ESRRG: variants seen among roughly 807,000 people sequenced by gnomAD.
The protein encoded by ESRRG is estrogen-related receptor gamma.
In ESRRG, 13 loss-of-function variants were observed where a neutral mutation model predicts 44.0. The observed-to-expected ratio is 0.30, with a 90% CI of 0.19 to 0.47. ESRRG has a LOEUF of 0.47. ESRRG is among the 20% of genes least tolerant of loss of function. The pLI is 1.00. For missense variants in ESRRG, 395 were observed against 580.6 expected, an observed-to-expected ratio of 0.68 and a Z score of 3.29; for synonymous variants, 215 against 214.6, an observed-to-expected ratio of 1.00 and a Z score of -0.02.
At chr1:216,794,119 G>A (rs1051153235) in intron 2 of ESRRG, among the ~76,000 whole-genome samples, 9 of 149,230 alleles carry the variant, frequency 6.0e-5, no homozygotes, top group African/African-American at 2.3e-4. Flanking sequence ...AGCAATTTAG[G>A]AAGCCTTGGC....
chr1:216,695,372 T>A (rs1184103660), intron 1 of ESRRG, among the ~76,000 whole-genome samples: 3 of 152,120 alleles, frequency 2.0e-5, no homozygotes, highest in Non-Finnish European at 4.4e-5. Flanking sequence ...GAGAAGTCCA[T>A]GAACTGCAAT....
intron 1 of ESRRG, among the ~76,000 whole-genome samples, chr1:216,681,487 CCTGCATGAGACA>C (rs1392455759): frequency 6.6e-6 from 1 of 152,002 alleles, no homozygotes; most frequent in Non-Finnish European, 1.5e-5. Context: ...TGTTCCCCTT[CCTGCATGAGACA>C]CTAGGTTTGA....
At position 216,505,180 on chromosome 1, in the gene ESRRG, C is replaced by T. The variant is rs2040983908; in HGVS notation, c.*1759G>A. ...ACAGGGAGCAGCTACTAACACTGGT[C>T]CATTGGTATAGCATTTGATGGAGGT... is the stretch of plus-strand genomic sequence containing the variant. On this transcript the variant is annotated 3_prime_UTR_variant, in exon 7 of 7. Transcript: ENST00000408911. The T allele has an allele frequency of 6.6e-6, 1 of 152,578 alleles. No homozygotes were observed. The highest frequency in any genetic ancestry group is 1.5e-5 in the Non-Finnish European group (1 of 68,042). The allele number at this position is 152,578 out of a possible 1,614,324, so 9.5% of individuals were successfully genotyped here.
At chr1:217,106,020 A>G (rs180909372) in intron 1 of ESRRG, among the ~76,000 whole-genome samples, 1 of 152,230 alleles carries the variant, frequency 6.6e-6, no homozygotes, top group African/African-American at 2.4e-5. Flanking sequence ...AGTTGTTTGT[A>G]TAGAAGTTAA....
rs541878517 is a variant in ESRRG at position 216,838,902 on chromosome 1, A to T, written c.-14+100680T>A. On this transcript the variant is annotated intron_variant, in intron 2 of 7. Coordinates refer to the ESRRG transcript ENST00000359162. Reference sequence around the variant, plus strand: ...TTTGCTGGTGGAGTGTCTTGCCTCAATGTTGATGGCTGCTGATTGATTAGA... The same window carrying T: ...TTTGCTGGTGGAGTGTCTTGCCTCATTGTTGATGGCTGCTGATTGATTAGA... Among the ~76,000 whole-genome samples, 114 of 152,294 alleles carry T rather than the reference A, an allele frequency of 7.5e-4. 1 individual carries two copies. Among genetic ancestry groups the T allele is most frequent in the Admixed American group, 1.5e-3 (23 of 15,298 alleles).
intron 1 of ESRRG, among the ~76,000 whole-genome samples, chr1:217,104,269 C>T (rs11587946): frequency 0.11 from 17,314 of 152,180 alleles, 1,322 homozygotes; most frequent in Admixed American, 0.15. Context: ...TCAAGGACAG[C>T]GCTGGTACCT....
chr1:216,761,955 C>A (rs1180376311), intron 2 of ESRRG, among the ~76,000 whole-genome samples: 2 of 152,074 alleles, frequency 1.3e-5, no homozygotes, highest in African/African-American at 4.8e-5. Context: ...GATAATGGTA[C>A]CTTGTAGTGG....
At chr1:217,119,767 C>T (rs1387098419) in intron 1 of ESRRG, among the ~76,000 whole-genome samples, 4 of 152,150 alleles carry the variant, frequency 2.6e-5, no homozygotes, top group Non-Finnish European at 1.5e-5. Flanking sequence ...GGTTTAATTA[C>T]ATTTTGTGTC....
At chr1:216,779,358 ATATT>A (rs1363935406) in intron 2 of ESRRG, among the ~76,000 whole-genome samples, 10 of 92,084 alleles carry the variant, frequency 1.1e-4, no homozygotes, top group Admixed American at 1.7e-4. Flanking sequence ...TAAAATATTT[ATATT>A]TATTTATAAA....
At chr1:216,941,583 A>G (rs1254637242) in intron 1 of ESRRG, among the ~76,000 whole-genome samples, 2 of 152,110 alleles carry the variant, frequency 1.3e-5, no homozygotes, top group Non-Finnish European at 2.9e-5. Context: ...TTTGTGGGCG[A>G]GGGGAGACGG....
At chr1:216,852,706 G>T (rs377450495) in intron 2 of ESRRG, among the ~76,000 whole-genome samples, 52 of 152,272 alleles carry the variant, frequency 3.4e-4, no homozygotes, top group Admixed American at 1.2e-3. Flanking sequence ...AAAAACAGTT[G>T]AATAATCTGA....
chr1:216,707,288 C>G, intron 1 of ESRRG: 1 of 1,493,268 alleles, frequency 6.7e-7, no homozygotes, highest in South Asian at 1.2e-5. Context: ...ATACAAGTAA[C>G]GTTGAGCATT....
chr1:216,688,249 G>A (rs572149492), intron 1 of ESRRG, among the ~76,000 whole-genome samples: 5 of 152,282 alleles, frequency 3.3e-5, no homozygotes, highest in South Asian at 2.1e-4. Context: ...TGAGTGGAGC[G>A]GGAAAGCCAT....
At chr1:216,798,317 C>T (rs1012800782) in intron 2 of ESRRG, among the ~76,000 whole-genome samples, 1 of 152,110 alleles carries the variant, frequency 6.6e-6, no homozygotes, top group African/African-American at 2.4e-5. Context: ...GAAGGCTTCC[C>T]TGAGGAGGTG....
At position 217,071,249 on chromosome 1, in the gene ESRRG, C is replaced by T. The variant is rs377647046; in HGVS notation, c.-106+18258G>A. Among the ~76,000 whole-genome samples, 10 of 151,834 alleles carry T rather than the reference C, an allele frequency of 6.6e-5. No individual in the cohort carries two copies. In the East Asian group the frequency reaches 1.9e-3, roughly 29 times the overall value. The stretch of plus-strand genomic sequence containing the variant: ...TATGTATTGGGTCTCTCCTTCATTG[C>T]AAAAAAACAAAAAACAAACAAACAA... On this transcript the variant is annotated intron_variant, in intron 1 of 7. Coordinates refer to the ESRRG transcript ENST00000359162.
rs147974095 is a variant in ESRRG, at chr1:216,599,081, G to C, written c.590-30983C>G. Among the ~76,000 whole-genome samples, 956 of 152,248 alleles carry C rather than the reference G, an allele frequency of 6.3e-3. 14 individuals carry two copies. Among genetic ancestry groups the C allele is most frequent in the Non-Finnish European group, 7.5e-3 (507 of 68,004 alleles). ...AAAAGAAGATTATCTGAAGGAGATT[G>C]GTTGCAAATCAGATTGCAAAGTGTC... is the stretch of plus-strand genomic sequence containing the variant. On this transcript the variant is annotated intron_variant, in intron 3 of 6. Transcript: ENST00000408911.
At chr1:216,712,323 T>C (rs963864419) in intron 1 of ESRRG, among the ~76,000 whole-genome samples, 1 of 152,172 alleles carries the variant, frequency 6.6e-6, no homozygotes, top group Non-Finnish European at 1.5e-5. Context: ...GACTGCACAA[T>C]AATGGAATAT....
intron 2 of ESRRG, among the ~76,000 whole-genome samples, chr1:216,767,345 CAGAA>C (rs1250369518): frequency 6.6e-6 from 1 of 151,946 alleles, no homozygotes; most frequent in Admixed American, 6.6e-5. Context: ...TAAGGGCATA[CAGAA>C]AGAAAGAGGG....
At chr1:216,535,586 T>A (rs1415870304) in intron 5 of ESRRG, among the ~76,000 whole-genome samples, 3 of 152,146 alleles carry the variant, frequency 2.0e-5, no homozygotes, top group Non-Finnish European at 4.4e-5. Context: ...TTAAAGAGAC[T>A]GCTCTTTCTT....
Sources: allele counts gnomAD v4.1 joint callset (sites outside exome capture counted in the v4.1 genomes callset), GRCh38; gene constraint gnomAD v4.1.1; transcripts MANE v1.5; gene names NCBI Gene and HGNC (gene_info 2026-07-23, HGNC 2026-07-21).